Variants in VWC2 observed in about 807,000 individuals in gnomAD.
VWC2 encodes the protein brorin.
In VWC2, 14 loss-of-function variants were observed where a neutral mutation model predicts 29.8. That is an observed-to-expected ratio of 0.47 (90% confidence interval 0.31 to 0.74). VWC2 has a LOEUF of 0.74. Ranked by LOEUF, VWC2 falls within the 30% of genes least tolerant of loss-of-function variation. The pLI is 0.05. For missense variants in VWC2, 457 were observed against 459.8 expected (o/e 0.99, Z 0.05); for synonymous variants, 213 against 199.0 (o/e 1.07, Z -0.59).
intron 3 of VWC2, among the ~76,000 whole-genome samples, chr7:49,816,792 C>G (rs994195126): frequency 1.3e-4 from 20 of 152,306 alleles, no homozygotes; most frequent in African/African-American, 4.3e-4. Context: ...GGCTTTGGAG[C>G]TAGACTGGCA....
At chr7:49,898,238 C>T (rs1792497686) in intron 3 of VWC2, among the ~76,000 whole-genome samples, 1 of 151,506 alleles carries the variant, frequency 6.6e-6, no homozygotes, top group South Asian at 2.1e-4. Context: ...CACAAACACA[C>T]AGATATAAGC....
chr7:49,885,746 T>C (rs966645947), intron 3 of VWC2, among the ~76,000 whole-genome samples: 1 of 152,208 alleles, frequency 6.6e-6, no homozygotes, highest in Non-Finnish European at 1.5e-5. Context: ...TAATTTTAGA[T>C]GCGGTTAAAG....
chr7:49,911,652 T>C (rs778681942), intron 3 of VWC2, among the ~76,000 whole-genome samples: 1 of 151,996 alleles, frequency 6.6e-6, no homozygotes, highest in Non-Finnish European at 1.5e-5. Flanking sequence ...ATCTGAGCAC[T>C]TTGGGAAGCC....
At chr7:49,896,550 T>A (rs1792391892) in intron 3 of VWC2, among the ~76,000 whole-genome samples, 1 of 151,580 alleles carries the variant, frequency 6.6e-6, no homozygotes, top group African/African-American at 2.4e-5. Flanking sequence ...AGAACAAAAA[T>A]CAGTAAAATT....
Position 49,802,744 on chromosome 7 carries a change from A to G in VWC2, c.730A>G (p.Asn244Asp), listed in dbSNP as rs776152087. 3 of 1,614,222 alleles carry G rather than the reference A, an allele frequency of 1.9e-6. No homozygotes were observed. The South Asian group carries it at 3.3e-5, about 18-fold the overall frequency. Residue 244 changes from asparagine (N) to aspartate (D), a missense_variant, in exon 3 of 4, where the codon AAC becomes GAC. By Grantham distance (23) the Asn-to-Asp change is conservative (BLOSUM62 1). Coordinates refer to ENST00000340652, the MANE Select transcript of VWC2 (RefSeq NM_198570.5). ...SPCERCRCEA[N>D]GEVLCTVSAC... ...ATGCGAGAGGTGTCGCTGTGAAGCCAACGGTGAGGTGCTATGCACAGTGTC... is the reference window on the plus strand; with the variant it reads ...ATGCGAGAGGTGTCGCTGTGAAGCCGACGGTGAGGTGCTATGCACAGTGTC...
At chr7:49,789,303 G>T (rs1207478960) in intron 2 of VWC2, among the ~76,000 whole-genome samples, 2 of 132,912 alleles carry the variant, frequency 1.5e-5, no homozygotes, top group African/African-American at 2.9e-5. Context: ...GTGAGCGGGT[G>T]TGTGAGTGTG....
intron 3 of VWC2, among the ~76,000 whole-genome samples, chr7:49,886,209 G>A (rs908540231): frequency 2.0e-5 from 3 of 152,126 alleles, no homozygotes; most frequent in Non-Finnish European, 4.4e-5. Context: ...AGGGGACCTT[G>A]GTAAGCTGTG....
chr7:49,839,408 T>C (rs971779717), intron 3 of VWC2, among the ~76,000 whole-genome samples: 2 of 152,216 alleles, frequency 1.3e-5, no homozygotes, highest in African/African-American at 2.4e-5. Flanking sequence ...TCTAATGCCA[T>C]CAAATTTGAG....
chr7:49,920,033 G>A lies in VWC2; in HGVS notation c.*7848G>A, dbSNP rs1793948617. On this transcript the variant is annotated 3_prime_UTR_variant, in exon 4 of 4. Coordinates refer to ENST00000340652, the MANE Select transcript of VWC2 (RefSeq NM_198570.5). The stretch of plus-strand genomic sequence containing the variant: ...TAAATGTCTTTAAAATAAACATAAT[G>A]GTGTTTTTTTTTGGTACAATAAACA... 1 of 151,890 alleles carries A rather than the reference G, an allele frequency of 6.6e-6. No homozygotes were observed. Among genetic ancestry groups the A allele is most frequent in the South Asian group, 2.1e-4 (1 of 4,824 alleles). The allele number at this position is 151,890 out of a possible 1,614,324, so 9.4% of individuals were successfully genotyped here. A position where few individuals can be genotyped will look rare whatever the true frequency, so the allele number is the denominator to read the frequency against.
intron 3 of VWC2, among the ~76,000 whole-genome samples, chr7:49,842,792 T>C (rs1789828793): frequency 1.3e-5 from 2 of 152,236 alleles, no homozygotes; most frequent in African/African-American, 4.8e-5. Context: ...ATACATGTCA[T>C]CTAGAAGGTG....
chr7:49,796,904 G>A (rs1306715774), intron 2 of VWC2, among the ~76,000 whole-genome samples: 1 of 152,106 alleles, frequency 6.6e-6, no homozygotes, highest in Non-Finnish European at 1.5e-5. Flanking sequence ...ATCATATAGA[G>A]CTTTAGTTTA....
chr7:49,805,940 G>C (rs572595089), intron 3 of VWC2, among the ~76,000 whole-genome samples: 1 of 152,194 alleles, frequency 6.6e-6, no homozygotes, highest in Non-Finnish European at 1.5e-5. Flanking sequence ...CATCAAAGGA[G>C]CAGAAGTTGG....
intron 3 of VWC2, among the ~76,000 whole-genome samples, chr7:49,895,570 T>C (rs1792344563): frequency 6.6e-6 from 1 of 152,204 alleles, no homozygotes; most frequent in African/African-American, 2.4e-5. Flanking sequence ...TTATATCCTA[T>C]AGCAATTTCA....
At chr7:49,816,156 G>T (rs1789137990) in intron 3 of VWC2, among the ~76,000 whole-genome samples, 1 of 152,126 alleles carries the variant, frequency 6.6e-6, no homozygotes, top group African/African-American at 2.4e-5. Context: ...TGTGAGGCAG[G>T]GATGTAAGAA....
In VWC2 at chr7:49,868,976, A is replaced by C. The variant is rs555059614; in HGVS notation, c.827-43058A>C. Among the ~76,000 whole-genome samples, 14 of 152,362 alleles carry C rather than the reference A, an allele frequency of 9.2e-5. No individual in the cohort carries two copies. In the East Asian group the frequency reaches 2.7e-3, roughly 29 times the overall value. On this transcript the variant is annotated intron_variant, in intron 3 of 3. Coordinates refer to ENST00000340652, the MANE Select transcript of VWC2 (RefSeq NM_198570.5). Reference sequence around the variant, plus strand: ...AAGTTTTCTTGTGTCAAATATATGTACAATTTTCCAGAGTACGGTTTCTGA... The same window carrying C: ...AAGTTTTCTTGTGTCAAATATATGTCCAATTTTCCAGAGTACGGTTTCTGA...
At chr7:49,849,047 T>C (rs553452480) in intron 3 of VWC2, among the ~76,000 whole-genome samples, 1 of 152,340 alleles carries the variant, frequency 6.6e-6, no homozygotes, top group East Asian at 1.9e-4. Context: ...GCTTGCTTCA[T>C]GTATGACAAA....
intron 3 of VWC2, among the ~76,000 whole-genome samples, chr7:49,902,591 C>T (rs1465433592): frequency 6.7e-6 from 1 of 148,244 alleles, no homozygotes; most frequent in Admixed American, 6.7e-5. Context: ...CCAAACCTCA[C>T]ACCCTATGAA....
chr7:49,864,588 T>A (rs942877153), intron 3 of VWC2, among the ~76,000 whole-genome samples: 1 of 152,184 alleles, frequency 6.6e-6, no homozygotes, highest in Non-Finnish European at 1.5e-5. Context: ...GGCTGCAGGT[T>A]GTTGTCAGCC....
At position 49,881,290 on chromosome 7, in the gene VWC2, T is replaced by C. The variant is rs548029301; in HGVS notation, c.827-30744T>C. ...TTGTTTCATCAACCAGCTAAATCTTTAGAGTGCTGCTGGCCTATAAGAGAC... is the reference window on the plus strand; with the variant it reads ...TTGTTTCATCAACCAGCTAAATCTTCAGAGTGCTGCTGGCCTATAAGAGAC... On this transcript the variant is annotated intron_variant, in intron 3 of 3. Coordinates refer to ENST00000340652, the MANE Select transcript of VWC2 (RefSeq NM_198570.5). Among the ~76,000 whole-genome samples the C allele has an allele frequency of 1.0e-3, 154 of 152,240 alleles. 1 individual carries two copies. The highest frequency in any genetic ancestry group is 1.3e-4 in the Non-Finnish European group (9 of 68,006).
Sources: allele counts gnomAD v4.1 joint callset (sites outside exome capture counted in the v4.1 genomes callset), GRCh38; gene constraint gnomAD v4.1.1; transcripts MANE v1.5; gene names NCBI Gene and HGNC (gene_info 2026-07-23, HGNC 2026-07-21).